The following SGCD variants were observed in gnomAD, a reference collection of about 807,000 sequenced individuals.
The protein encoded by SGCD is delta-sarcoglycan.
In SGCD, 18 loss-of-function variants were observed where a neutral mutation model predicts 36.6. The ratio of observed to expected loss-of-function variants is 0.49; its 90% CI spans 0.34 to 0.73. The LOEUF (loss-of-function observed/expected upper bound fraction) is 0.73, where lower values mean the gene tolerates loss of function less well. SGCD is among the 30% of genes least tolerant of loss of function. SGCD has a pLI of 0.01. For synonymous variants in SGCD, 133 were observed against 130.6 expected (o/e 1.02, Z -0.12); for missense variants, 387 against 346.7 (o/e 1.12, Z -0.92).
chr5:156,317,129 A>G (rs949953896), intron 3 of SGCD, among the ~76,000 whole-genome samples: 1 of 152,138 alleles, frequency 6.6e-6, no homozygotes, highest in Non-Finnish European at 1.5e-5. Flanking sequence ...TTGCTACCAA[A>G]GCGTACCTAT....
At chr5:155,796,255 A>G in the SGCD span, among the ~76,000 whole-genome samples, 2 of 152,236 alleles carry the variant, frequency 1.3e-5, no homozygotes, top group Non-Finnish European at 2.9e-5. Flanking sequence ...AGATTATATA[A>G]TCTGGTTACA....
At chr5:156,035,974 T>A (rs992563) in intron 1 of SGCD, among the ~76,000 whole-genome samples, 75,546 of 152,072 alleles carry the variant, frequency 0.5, 22,922 homozygotes, top group African/African-American at 0.85. Flanking sequence ...TATCACAGCT[T>A]TATAGTTATA....
the SGCD span, among the ~76,000 whole-genome samples, chr5:155,830,340 T>TG: frequency 1.0e-5 from 1 of 98,440 alleles, no homozygotes; most frequent in African/African-American, 6.4e-5. Flanking sequence ...TATACACTCG[T>TG]GGTGTCTCCT....
chr5:156,535,261 ACAAAG>A (rs757047334), intron 4 of SGCD, among the ~76,000 whole-genome samples: 4 of 152,216 alleles, frequency 2.6e-5, no homozygotes, highest in Non-Finnish European at 5.9e-5. Flanking sequence ...CAAAATAGAA[ACAAAG>A]CAAAGGTAGG....
chr5:155,824,823 C>T, the SGCD span, among the ~76,000 whole-genome samples: 1 of 152,132 alleles, frequency 6.6e-6, no homozygotes, highest in Non-Finnish European at 1.5e-5. Context: ...CTACCACTTA[C>T]TATAGGTCAT....
At chr5:156,481,287 G>A (rs1755414438) in intron 3 of SGCD, among the ~76,000 whole-genome samples, 1 of 152,162 alleles carries the variant, frequency 6.6e-6, no homozygotes, top group African/African-American at 2.4e-5. Context: ...GATGGTAGAG[G>A]TCTATGTTAT....
At chr5:156,441,865 TGCTCAG>T (rs1580998420) in intron 3 of SGCD, among the ~76,000 whole-genome samples, 2 of 152,292 alleles carry the variant, frequency 1.3e-5, no homozygotes, top group East Asian at 3.9e-4. Flanking sequence ...ATGAATAAGT[TGCTCAG>T]AGTCACCTGA....
At chr5:156,486,317 G>T (rs772005155) in intron 3 of SGCD, among the ~76,000 whole-genome samples, 4 of 152,016 alleles carry the variant, frequency 2.6e-5, no homozygotes, top group Non-Finnish European at 4.4e-5. Flanking sequence ...CGCCAGAAAG[G>T]CTGCCCCTGA....
At chr5:156,118,950 A>G (rs1761968198) in intron 2 of SGCD, among the ~76,000 whole-genome samples, 1 of 152,186 alleles carries the variant, frequency 6.6e-6, no homozygotes, top group South Asian at 2.1e-4. Flanking sequence ...AGATGCCCAG[A>G]GTATTTTATG....
chr5:156,420,130 C>T (rs2127776962), intron 3 of SGCD, among the ~76,000 whole-genome samples: 1 of 152,222 alleles, frequency 6.6e-6, no homozygotes, highest in Non-Finnish European at 1.5e-5. Context: ...CACACTTTGC[C>T]ATCAACTTTA....
chr5:155,999,380 C>T (rs562483939), intron 1 of SGCD, among the ~76,000 whole-genome samples: 3 of 152,214 alleles, frequency 2.0e-5, no homozygotes, highest in Non-Finnish European at 4.4e-5. Context: ...CTGCCCCTCA[C>T]CCCACAGGGA....
the SGCD span, among the ~76,000 whole-genome samples, chr5:155,782,245 G>A: frequency 4.0e-5 from 6 of 151,838 alleles, no homozygotes; most frequent in African/African-American, 1.2e-4. Flanking sequence ...GGCTGGTCTC[G>A]AACTCCTGAC....
At chr5:156,692,942 G>A (rs1463517961) in intron 7 of SGCD, among the ~76,000 whole-genome samples, 1 of 152,168 alleles carries the variant, frequency 6.6e-6, no homozygotes, top group Non-Finnish European at 1.5e-5. Context: ...CTAACCGTGT[G>A]CCAGACACTA....
intron 3 of SGCD, among the ~76,000 whole-genome samples, chr5:156,256,889 A>G (rs942480033): frequency 6.6e-6 from 1 of 152,182 alleles, no homozygotes; most frequent in Non-Finnish European, 1.5e-5. Flanking sequence ...TGTTGGATAA[A>G]AAAATGAGGC....
At chr5:156,235,201 G>A (rs1765124997) in intron 3 of SGCD, among the ~76,000 whole-genome samples, 1 of 151,670 alleles carries the variant, frequency 6.6e-6, no homozygotes, top group African/African-American at 2.4e-5. Flanking sequence ...AAAGAATAAT[G>A]TAGGCCAACT....
At chr5:156,366,585 T>C (rs1770118129) in intron 3 of SGCD, among the ~76,000 whole-genome samples, 1 of 152,154 alleles carries the variant, frequency 6.6e-6, no homozygotes. Context: ...AAGAAATACA[T>C]GTGATTACTA....
At chr5:156,295,271 A>G (rs571397160) in intron 3 of SGCD, among the ~76,000 whole-genome samples, 2 of 152,168 alleles carry the variant, frequency 1.3e-5, no homozygotes, top group South Asian at 4.1e-4. Flanking sequence ...ACAATTGCTC[A>G]TCATATTCTC....
chr5:155,952,369 C>T (rs1206177461), intron 1 of SGCD, among the ~76,000 whole-genome samples: 1 of 151,826 alleles, frequency 6.6e-6, no homozygotes, highest in Non-Finnish European at 1.5e-5. Context: ...TTTAATGTGA[C>T]TGAATTTGCC....
intron 1 of SGCD, among the ~76,000 whole-genome samples, chr5:155,966,934 CAT>C (rs1491275482): frequency 5.1e-4 from 65 of 126,372 alleles, no homozygotes; most frequent in Middle Eastern, 3.8e-3. Context: ...TATAGGTTTT[CAT>C]GTGTGTGTGT....
Sources: allele counts gnomAD v4.1 joint callset (sites outside exome capture counted in the v4.1 genomes callset), GRCh38; gene constraint gnomAD v4.1.1; transcripts MANE v1.5; gene names NCBI Gene and HGNC (gene_info 2026-07-23, HGNC 2026-07-21).